Variants in AP4E1 observed in about 807,000 individuals in gnomAD.
AP4E1 encodes the protein adaptor related protein complex 4 subunit epsilon 1.
Under a neutral mutation model 128.2 loss-of-function variants are expected in AP4E1, and 56 were observed. The ratio of observed to expected loss-of-function variants is 0.44; its 90% CI spans 0.35 to 0.55. The LOEUF (loss-of-function observed/expected upper bound fraction) is 0.55. AP4E1 is among the 20% of genes least tolerant of loss of function. The probability of loss-of-function intolerance (pLI) is 0.00; values close to 1 mark genes in which losing one functional copy is unlikely to be tolerated. For missense variants in AP4E1, 1,324 were observed against 1,307.7 expected (o/e 1.01, Z -0.19); for synonymous variants, 484 against 473.1 (o/e 1.02, Z -0.30).
intron 8 of AP4E1, among the ~76,000 whole-genome samples, chr15:50,940,719 T>G (rs1172289279): frequency 6.6e-6 from 1 of 152,184 alleles, no homozygotes; most frequent in Non-Finnish European, 1.5e-5. Flanking sequence ...GACTCATGCT[T>G]TTTCAAATAA....
intron 18 of AP4E1, 66 bp from the exon 19 acceptor site, chr15:50,999,006 G>A (rs907019323): frequency 3.5e-6 from 5 of 1,419,236 alleles, no homozygotes; most frequent in Non-Finnish European, 5.0e-6. Context: ...ATAGAAAATT[G>A]GTAGTCATGT....
chr15:51,000,982 T>G, intron 19 of AP4E1, 44 bp from the exon 20 acceptor site: 1 of 1,462,084 alleles, frequency 6.8e-7, no homozygotes, highest in Middle Eastern at 1.7e-4. Context: ...TTAGAATCAT[T>G]TCACTGTTTT....
intron 11 of AP4E1, among the ~76,000 whole-genome samples, chr15:50,949,144 T>G (rs181356923): frequency 1.3e-5 from 2 of 151,442 alleles, no homozygotes; most frequent in Admixed American, 6.6e-5. Flanking sequence ...GAAAAGAGAC[T>G]AAACACCTGT....
rs2064130057 is a variant in AP4E1, at chr15:50,950,187, A to G, written c.1548+18A>G. The G allele has an allele frequency of 6.7e-7, 1 of 1,488,354 alleles. No individual in the cohort carries two copies. Among genetic ancestry groups the G allele is most frequent in the Non-Finnish European group, 9.3e-7 (1 of 1,071,530 alleles). 92.2% of individuals were successfully genotyped at this position (1,488,354 alleles called of 1,614,324 possible). ...TGAGTTGGGTGAGCAAAGTACCTTA[A>G]ATCATAAATTTTTATAACATTTTTA... On this transcript the variant is annotated intron_variant, in intron 13 of 20. Coordinates refer to ENST00000261842, the MANE Select transcript of AP4E1 (RefSeq NM_007347.5).
intron 17 of AP4E1, among the ~76,000 whole-genome samples, chr15:50,996,475 G>A (rs899890430): frequency 6.6e-6 from 1 of 152,124 alleles, no homozygotes; most frequent in African/African-American, 2.4e-5. Context: ...AAAATCATCT[G>A]TTCAGAGTTG....
At chr15:50,919,598 TTAA>T (rs1288763001) in intron 3 of AP4E1, among the ~76,000 whole-genome samples, 2 of 151,890 alleles carry the variant, frequency 1.3e-5, no homozygotes, top group Admixed American at 6.6e-5. Flanking sequence ...TATGCTGTAA[TTAA>T]TAACCTTTTA....
chr15:50,977,434 G>A (rs1037943155), intron 15 of AP4E1, among the ~76,000 whole-genome samples: 4 of 152,072 alleles, frequency 2.6e-5, no homozygotes, highest in East Asian at 1.9e-4. Flanking sequence ...GGGATTAAAC[G>A]CTCAAACTAG....
chr15:50,996,872 C>G (rs1025585157), intron 17 of AP4E1, among the ~76,000 whole-genome samples: 1 of 152,202 alleles, frequency 6.6e-6, no homozygotes, highest in Non-Finnish European at 1.5e-5. Flanking sequence ...TGCTTACTAA[C>G]TTACAGGCCA....
intron 14 of AP4E1, 128 bp downstream of exon 14, chr15:50,958,922 T>C: frequency 9.8e-7 from 1 of 1,018,022 alleles, no homozygotes; most frequent in East Asian, 2.5e-5. Flanking sequence ...ATGTTGGAGT[T>C]CCTTTTCACA....
chr15:50,953,011 G>A (rs1261077143), intron 13 of AP4E1, among the ~76,000 whole-genome samples: 3 of 152,082 alleles, frequency 2.0e-5, no homozygotes, highest in African/African-American at 7.2e-5. Context: ...TGAAGCCAGA[G>A]TTTGAGATCA....
At position 50,934,708 on chromosome 15, in the gene AP4E1, T is replaced by TTTAC; in HGVS notation, c.943+11_943+12insTTAC. ...ACAATGTCACATATGGTAGGTAATATATGTAAATATTACTCTAATGACTAA... is the reference window on the plus strand; with the variant it reads ...ACAATGTCACATATGGTAGGTAATATTTACATGTAAATATTACTCTAATGACTAA... On this transcript the variant is annotated intron_variant, in intron 8 of 20. Coordinates refer to ENST00000261842, the MANE Select transcript of AP4E1 (RefSeq NM_007347.5). 12 of 1,548,306 alleles carry TTTAC rather than the reference T, an allele frequency of 7.8e-6. No homozygotes were observed. The highest frequency in any genetic ancestry group is 1.1e-5 in the South Asian group (1 of 89,558).
At chr15:50,981,436 G>A (rs1444135046) in intron 15 of AP4E1, among the ~76,000 whole-genome samples, 1 of 152,152 alleles carries the variant, frequency 6.6e-6, no homozygotes, top group East Asian at 1.9e-4. Flanking sequence ...CTCCACTATT[G>A]TATTTTGGAA....
intron 6 of AP4E1, 142 bp downstream of exon 6, chr15:50,929,310 C>A: frequency 2.1e-6 from 2 of 966,596 alleles, no homozygotes; most frequent in Non-Finnish European, 3.0e-6. Context: ...AGTAGTTTTG[C>A]AAGTTGTTGA....
At position 50,940,059 on chromosome 15, in the gene AP4E1, T is replaced by C. The variant is rs2063962183; in HGVS notation, c.944-1383T>C. On this transcript the variant is annotated intron_variant, in intron 8 of 20. Coordinates refer to ENST00000261842, the MANE Select transcript of AP4E1 (RefSeq NM_007347.5). ...GCTGGATTTAGTGGCATTTTAAAAA[T>C]AGGCTGAAGGCTGGATTTAGTGGCA... 2.0e-5 allele frequency among the ~76,000 whole-genome samples: 3 copies of C among 152,242 alleles called. No homozygotes were observed. In the South Asian group the frequency reaches 6.2e-4, roughly 31 times the overall value.
chr15:50,997,428 T>G lies in AP4E1; in HGVS notation c.2449T>G (p.Ser817Ala). The G allele has an allele frequency of 6.2e-7, 1 of 1,613,606 alleles. No homozygotes were observed. Among genetic ancestry groups the G allele is most frequent in the Non-Finnish European group, 8.5e-7 (1 of 1,179,762 alleles). ...CAGTACTCATAATATGACCTGTTCT[T>G]CCTTTAGTTCTTTGTCAAATGTGGC... ...TTSTHNMTCS[S>A]FSSLSNVAYE... Residue 817 changes from serine to alanine, a missense_variant, in exon 18 of 21, where the codon TCC (serine) becomes GCC (alanine). By Grantham distance (99) the Ser-to-Ala change is moderately conservative. Coordinates refer to ENST00000261842, the MANE Select transcript of AP4E1 (RefSeq NM_007347.5).
Position 50,936,359 on chromosome 15 carries a change from C to CT in AP4E1, c.943+1673dup, listed in dbSNP as rs895599411. ...TGCTTAAAATTCAGTTAAAAATCTG[C>CT]TTTTTTTTTTTCCCTTGCAGAAAGT... On this transcript the variant is annotated intron_variant, in intron 8 of 20. Coordinates refer to ENST00000261842, the MANE Select transcript of AP4E1 (RefSeq NM_007347.5). Among the ~76,000 whole-genome samples, 1,273 of 142,508 alleles carry CT rather than the reference C, an allele frequency of 8.9e-3. 12 individuals carry two copies. Among genetic ancestry groups the CT allele is most frequent in the African/African-American group, 0.021 (840 of 39,132 alleles). 93.5% of individuals were successfully genotyped at this position (142,508 alleles called of 152,430 possible). A position where few individuals can be genotyped will look rare whatever the true frequency, so the allele number is the denominator to read the frequency against.
chr15:50,984,504 G>A (rs1309006391), intron 16 of AP4E1, among the ~76,000 whole-genome samples: 4 of 132,064 alleles, frequency 3.0e-5, no homozygotes, highest in Admixed American at 9.3e-5. Flanking sequence ...TCCCCTTCCT[G>A]TGTCCAAGTG....
intron 16 of AP4E1, among the ~76,000 whole-genome samples, chr15:50,989,692 C>T (rs1197953915): frequency 6.6e-6 from 1 of 152,070 alleles, no homozygotes; most frequent in East Asian, 1.9e-4. Flanking sequence ...ACACTTTTAC[C>T]TGCACAACAG....
At chr15:50,960,597 C>T (rs531440072) in intron 14 of AP4E1, among the ~76,000 whole-genome samples, 1 of 152,048 alleles carries the variant, frequency 6.6e-6, no homozygotes, top group African/African-American at 2.4e-5. Context: ...AATTCAGACA[C>T]AACTTACCAA....
Sources: allele counts gnomAD v4.1 joint callset (sites outside exome capture counted in the v4.1 genomes callset), GRCh38; gene constraint gnomAD v4.1.1; transcripts MANE v1.5; gene names NCBI Gene and HGNC (gene_info 2026-07-23, HGNC 2026-07-21).